Variants in VPS13A observed in about 807,000 individuals in gnomAD.
VPS13A encodes intermembrane lipid transfer protein VPS13A.
In VPS13A, 264 loss-of-function variants were observed where a neutral mutation model predicts 390.9. The observed-to-expected ratio is 0.68, with a 90% CI of 0.61 to 0.75. The LOEUF (loss-of-function observed/expected upper bound fraction) is 0.75, where lower values mean the gene tolerates loss of function less well. Among genes scored for constraint, VPS13A ranks in the 30% least tolerant of loss-of-function variants. The pLI is 0.00. For missense variants in VPS13A, 3,409 were observed against 3,733.9 expected, an observed-to-expected ratio of 0.91 and a Z score of 2.27; for synonymous variants, 1,231 against 1,227.1, an observed-to-expected ratio of 1.00 and a Z score of -0.07.
At chr9:77,216,886 C>T (rs1452828282) in intron 10 of VPS13A, among the ~76,000 whole-genome samples, 2 of 152,126 alleles carry the variant, frequency 1.3e-5, no homozygotes, top group Non-Finnish European at 2.9e-5. Context: ...AAGATGTAGG[C>T]TCAGAGGCTA....
Position 77,353,268 on chromosome 9 carries a change from A to G in VPS13A, c.7420-141A>G, listed in dbSNP as rs924985691. ...AATTTGCAAGTATTCTACAAATATTAATTCATTTAGTTGCCACTAACCCCA... is the reference window on the plus strand; with the variant it reads ...AATTTGCAAGTATTCTACAAATATTGATTCATTTAGTTGCCACTAACCCCA... On this transcript the variant is annotated intron_variant, in intron 53 of 71. Transcript: ENST00000360280. The G allele has an allele frequency of 4.8e-5, 31 of 639,406 alleles. No homozygotes were observed. The Admixed American group carries it at 5.1e-4, about 11-fold the overall frequency. 39.6% of individuals were successfully genotyped at this position (639,406 alleles called of 1,614,324 possible).
At chr9:77,311,700 A>C (rs956338873) in intron 35 of VPS13A, among the ~76,000 whole-genome samples, 1 of 152,224 alleles carries the variant, frequency 6.6e-6, no homozygotes, top group Non-Finnish European at 1.5e-5. Context: ...AAGAATATAG[A>C]AGATTTGAAC....
At chr9:77,266,133 T>A (rs1826023317) in intron 23 of VPS13A, among the ~76,000 whole-genome samples, 1 of 152,370 alleles carries the variant, frequency 6.6e-6, no homozygotes, top group East Asian at 1.9e-4. Flanking sequence ...GAGTTCTAAC[T>A]GGATTGCACT....
In VPS13A at chr9:77,226,380, A is replaced by G. The variant is rs1423600165; in HGVS notation, c.1225-86A>G. ...TTACATTCATTTTGCTCAAGAGGAT[A>G]AGTTCTCAGAATGTCTTGCTTATAT... On this transcript the variant is annotated intron_variant, in intron 14 of 71. Transcript: ENST00000360280. 4 of 1,267,364 alleles carry G rather than the reference A, an allele frequency of 3.2e-6. No homozygotes were observed. The East Asian group carries it at 7.1e-5, about 22-fold the overall frequency. The allele number at this position is 1,267,364 out of a possible 1,614,324, so 78.5% of individuals were successfully genotyped here.
rs375003313 is a variant in VPS13A at position 77,283,594 on chromosome 9, G to A, written c.3283G>A (p.Ala1095Thr). The change falls in exon 31 of 72, where the codon GCA (alanine) becomes ACA (threonine). Residue 1095 changes from alanine (A) to threonine (T), a missense_variant. Physicochemically the swap from Ala to Thr is moderately conservative, Grantham distance 58. This residue lies in a region of VPS13A where 2,717 missense variants were observed against 2,917.4 expected (regional missense o/e 0.93). Transcript: ENST00000360280. The stretch of plus-strand genomic sequence containing the variant: ...GAGGCCTTCAGAAACTGAAATAAAC[G>A]CAAAGCTAAGGAATATAATTGTTTT... ...IMRPSETEIN[A>T]KLRNIIVLDS... 5.6e-6 allele frequency: 9 copies of A among 1,613,312 alleles called. No individual in the cohort carries two copies. The East Asian group carries it at 6.7e-5, about 12-fold the overall frequency.
chr9:77,409,181 A>G (rs754003119), intron 71 of VPS13A, among the ~76,000 whole-genome samples: 18 of 152,228 alleles, frequency 1.2e-4, no homozygotes, highest in Non-Finnish European at 2.2e-4. Flanking sequence ...TACCCACGCA[A>G]ACAGGTCTGG....
chr9:77,208,793 G>C (rs972472836), intron 5 of VPS13A, among the ~76,000 whole-genome samples: 1 of 152,104 alleles, frequency 6.6e-6, no homozygotes, highest in Non-Finnish European at 1.5e-5. Flanking sequence ...CAGATGATCT[G>C]CCCACCTTGG....
In VPS13A at chr9:77,260,196, A is replaced by C; in HGVS notation, c.2399A>C (p.Glu800Ala). The C allele has an allele frequency of 6.2e-7, 1 of 1,613,490 alleles. No homozygotes were observed. Among genetic ancestry groups the C allele is most frequent in the Non-Finnish European group, 8.5e-7 (1 of 1,179,692 alleles). Reference protein sequence around the residue: ...ESIPKPEPVTEVSAPVKSFQI... With the variant: ...ESIPKPEPVTAVSAPVKSFQI... Reference sequence around the variant, plus strand: ...ATTCCAAAACCTGAACCAGTAACTGAAGTATCTGCCCCTGTCAAATCATTC... The same window carrying C: ...ATTCCAAAACCTGAACCAGTAACTGCAGTATCTGCCCCTGTCAAATCATTC... The change falls in exon 23 of 72, where the codon GAA (glutamate) becomes GCA (alanine). Residue 800 changes from glutamate (E) to alanine (A), a missense_variant. Transcript: ENST00000360280.
intron 71 of VPS13A, among the ~76,000 whole-genome samples, chr9:77,413,247 G>A (rs1295834171): frequency 6.6e-6 from 1 of 151,230 alleles, no homozygotes; most frequent in Non-Finnish European, 1.5e-5. Flanking sequence ...AAAAACTAAA[G>A]TTCATATGGA....
In VPS13A at chr9:77,370,579, G is replaced by A; in HGVS notation, c.8907+1G>A. The A allele has an allele frequency of 1.9e-6, 3 of 1,614,048 alleles. No homozygotes were observed. The highest frequency in any genetic ancestry group is 2.2e-5 in the East Asian group (1 of 44,880). ...TCGTGGAGGAAAAGGCTTAGTTTCT[G>A]TAAGAAATTTCACAGGGTTGTGAAG... is the stretch of plus-strand genomic sequence containing the variant. On this transcript the variant is annotated splice_donor_variant, in intron 65 of 71. Coordinates refer to ENST00000360280, the MANE Select transcript of VPS13A (RefSeq NM_033305.3). LOFTEE classifies it high-confidence loss of function.
chr9:77,222,087 C>T (rs541257522), intron 13 of VPS13A, among the ~76,000 whole-genome samples: 2 of 152,202 alleles, frequency 1.3e-5, no homozygotes, highest in South Asian at 2.1e-4. Flanking sequence ...GGGAGTTAGT[C>T]TCTTGAAGTT....
intron 5 of VPS13A, 26 bp downstream of exon 5, chr9:77,206,105 C>T: frequency 6.9e-7 from 1 of 1,442,486 alleles, no homozygotes; most frequent in Non-Finnish European, 9.5e-7. Context: ...AATAACAATG[C>T]TAATAAGAGA....
intron 10 of VPS13A, among the ~76,000 whole-genome samples, chr9:77,215,859 C>T (rs1044287809): frequency 2.6e-5 from 4 of 152,222 alleles, no homozygotes; most frequent in African/African-American, 4.8e-5. Context: ...TAGGGAGCCT[C>T]ATGGAGGGGT....
chr9:77,383,390 G>A lies in VPS13A; in HGVS notation c.9189+1303G>A, dbSNP rs116947324. Among the ~76,000 whole-genome samples, 1,284 of 152,100 alleles carry A rather than the reference G, an allele frequency of 8.4e-3. 10 individuals are homozygous for A. The highest frequency in any genetic ancestry group is 0.014 in the South Asian group (67 of 4,826). On this transcript the variant is annotated intron_variant, in intron 68 of 71. Coordinates refer to ENST00000360280, the MANE Select transcript of VPS13A (RefSeq NM_033305.3). Reference sequence around the variant, plus strand: ...GCAGTCTCTACAATGACAGTGTATCGTTCTTTGGAAGATAGTAAATTTGCA... The same window carrying A: ...GCAGTCTCTACAATGACAGTGTATCATTCTTTGGAAGATAGTAAATTTGCA...
At chr9:77,391,685 GATCTT>G (rs1213813088) in intron 68 of VPS13A, among the ~76,000 whole-genome samples, 4 of 152,148 alleles carry the variant, frequency 2.6e-5, no homozygotes, top group Non-Finnish European at 5.9e-5. Flanking sequence ...TTGAGTTAGA[GATCTT>G]ATGAAGATGC....
chr9:77,292,867 C>CAG (rs1187756892), intron 31 of VPS13A, among the ~76,000 whole-genome samples: 1 of 151,948 alleles, frequency 6.6e-6, no homozygotes. Flanking sequence ...TGATAAGGAA[C>CAG]AGAAGTATAG....
At chr9:77,190,809 A>G (rs1013631628) in intron 1 of VPS13A, among the ~76,000 whole-genome samples, 3 of 152,138 alleles carry the variant, frequency 2.0e-5, no homozygotes, top group Non-Finnish European at 2.9e-5. Context: ...GGGAGGTTGT[A>G]TGTTTCCAGG....
intron 11 of VPS13A, 57 bp downstream of exon 11, chr9:77,220,138 T>A: frequency 6.4e-7 from 1 of 1,551,898 alleles, no homozygotes; most frequent in Non-Finnish European, 8.8e-7. Context: ...AAAGCAAAAC[T>A]AAGATTTTAA....
intron 71 of VPS13A, among the ~76,000 whole-genome samples, chr9:77,411,660 C>CAAAAAAAA (rs1169254413): frequency 0.014 from 491 of 33,888 alleles, 35 homozygotes; most frequent in Middle Eastern, 0.048. Flanking sequence ...AACTCCATCT[C>CAAAAAAAA]AAAAAAAAAA....
Sources: gnomAD v4.1 joint callset for allele counts (sites outside exome capture counted in the v4.1 genomes callset) on GRCh38, gnomAD v4.1.1 for gene constraint, gnomAD v4.1.1 regional missense constraint, MANE v1.5 for transcripts, NCBI Gene and HGNC (gene_info 2026-07-23, HGNC 2026-07-21) for gene names.